OPA1: variants seen among roughly 807,000 people sequenced by gnomAD.
OPA1 encodes the protein dynamin-like GTPase OPA1, mitochondrial.
OPA1 carries 59 observed loss-of-function variants against 152.9 expected under a neutral mutation model. The ratio of observed to expected loss-of-function variants is 0.39; its 90% confidence interval spans 0.31 to 0.48. The LOEUF (loss-of-function observed/expected upper bound fraction) is 0.48, where lower values mean the gene tolerates loss of function less well. Ranked by LOEUF, OPA1 falls within the 20% of genes least tolerant of loss-of-function variation. OPA1 has a pLI of 0.96. For synonymous variants in OPA1, 400 were observed against 389.9 expected (o/e 1.03, Z -0.31); for missense variants, 1,008 against 1,216.8 (o/e 0.83, Z 2.55).
chr3:193,684,334 C>T (rs1342571846), intron 29 of OPA1, among the ~76,000 whole-genome samples: 1 of 151,988 alleles, frequency 6.6e-6, no homozygotes, highest in East Asian at 1.9e-4. Flanking sequence ...TCCATACAGT[C>T]TCCCATAAAT....
chr3:193,619,568 CTTTG>C (rs776805222), intron 6 of OPA1: 12 of 152,258 alleles, frequency 7.9e-5, no homozygotes, highest in South Asian at 4.2e-4. Flanking sequence ...GAATAACATA[CTTTG>C]TTTGTATTTA....
rs1726448000 is a variant in OPA1, at chr3:193,601,457, C to A, written c.32+8048C>A. On this transcript the variant is annotated intron_variant, in intron 1 of 30. Transcript: ENST00000361510. ...GATTCTCCACAGACCCAATAGAGAC[C>A]CTCAGGGGTTGGAAAAGGGGGCCAC... is the stretch of plus-strand genomic sequence containing the variant. Among the ~76,000 whole-genome samples the A allele has an allele frequency of 6.6e-5, 10 of 152,150 alleles. 1 individual carries two copies. Among genetic ancestry groups the A allele is most frequent in the Admixed American group, 6.5e-4 (10 of 15,272 alleles).
chr3:193,593,761 C>T (rs1725035650), intron 1 of OPA1, among the ~76,000 whole-genome samples: 2 of 152,042 alleles, frequency 1.3e-5, no homozygotes, highest in Admixed American at 6.6e-5. Flanking sequence ...TGTCCTCTCC[C>T]TGCCAGGTTT....
chr3:193,639,955 C>T (rs1733511804), intron 11 of OPA1, among the ~76,000 whole-genome samples: 1 of 152,034 alleles, frequency 6.6e-6, no homozygotes, highest in African/African-American at 2.4e-5. Flanking sequence ...GAGTGTCAAT[C>T]ATCAATGATG....
chr3:193,617,063 G>A, intron 3 of OPA1, 115 bp from the exon 4 acceptor site: 1 of 675,222 alleles, frequency 1.5e-6, no homozygotes, highest in Non-Finnish European at 2.6e-6. Context: ...GATAATAGTA[G>A]CTGTTTTGTA....
At chr3:193,604,860 CAAA>C (rs55904490) in intron 1 of OPA1, among the ~76,000 whole-genome samples, 23 of 104,582 alleles carry the variant, frequency 2.2e-4, no homozygotes, top group Non-Finnish European at 2.6e-4. Flanking sequence ...AACTCCATCT[CAAA>C]AAAAAAAAAA....
In OPA1 at chr3:193,696,769, GACAAAGC is replaced by G. The variant is rs1402229475; in HGVS notation, c.*2170_*2176del. The G allele has an allele frequency of 1.3e-5, 2 of 152,170 alleles. No individual in the cohort carries two copies. Among genetic ancestry groups the G allele is most frequent in the African/African-American group, 4.8e-5 (2 of 41,444 alleles). 9.4% of individuals were successfully genotyped at this position (152,170 alleles called of 1,614,324 possible). A position where few individuals can be genotyped will look rare whatever the true frequency, so the allele number is the denominator to read the frequency against. ...GTCAGAATTTGCAAAGAGTGGAGTG[GACAAAGC>G]TCTGTATGGAAGACTGAACAACTGT... On this transcript the variant is annotated 3_prime_UTR_variant, in exon 31 of 31. Transcript: ENST00000361510.
At position 193,650,980 on chromosome 3, in the gene OPA1, A is replaced by G. The variant is rs117158425; in HGVS notation, c.2012+2109A>G. 1.1e-3 allele frequency among the ~76,000 whole-genome samples: 167 copies of G among 152,306 alleles called. 1 individual carries two copies. The East Asian group carries it at 0.014, about 13-fold the overall frequency. ...AATATCATAATTTGAAATTTAAAAC[A>G]TGAATAAGTGTTAAGGCAGAGGCAG... On this transcript the variant is annotated intron_variant, in intron 21 of 30. Transcript: ENST00000361510.
At chr3:193,641,097 C>T (rs1271946773) in intron 11 of OPA1, among the ~76,000 whole-genome samples, 1 of 152,172 alleles carries the variant, frequency 6.6e-6, no homozygotes, top group Non-Finnish European at 1.5e-5. Context: ...ACCTCATATC[C>T]TGTTCAATAA....
chr3:193,608,661 A>G (rs960834283), intron 1 of OPA1, among the ~76,000 whole-genome samples: 5 of 152,092 alleles, frequency 3.3e-5, no homozygotes, highest in African/African-American at 1.2e-4. Flanking sequence ...GTGTGGTGCT[A>G]AGAAGAACGT....
At chr3:193,597,630 G>A (rs113214585) in intron 1 of OPA1, among the ~76,000 whole-genome samples, 3,600 of 149,806 alleles carry the variant, frequency 0.024, 156 homozygotes, top group African/African-American at 0.085. Context: ...GGCGGAGGTT[G>A]CAGTGAGCAG....
intron 29 of OPA1, among the ~76,000 whole-genome samples, chr3:193,674,392 T>C (rs1230702447): frequency 6.6e-6 from 1 of 152,222 alleles, no homozygotes; most frequent in Non-Finnish European, 1.5e-5. Flanking sequence ...CTTCATAATA[T>C]CATTTAGTGA....
At position 193,636,768 on chromosome 3, in the gene OPA1, G is replaced by A. The variant is rs1042270577; in HGVS notation, c.949-427G>A. 3.3e-5 allele frequency among the ~76,000 whole-genome samples: 5 copies of A among 152,076 alleles called. No homozygotes were observed. The South Asian group carries it at 6.2e-4, about 19-fold the overall frequency. The stretch of plus-strand genomic sequence containing the variant: ...CCTTTATTCAGATGCTTGCTTGCAC[G>A]TGCTCTCTGTCCTCTCTCTTTCTCT... On this transcript the variant is annotated intron_variant, in intron 9 of 30. Coordinates refer to ENST00000361510, the MANE Select transcript of OPA1 (RefSeq NM_130837.3).
chr3:193,648,341 A>G (rs1711556612), intron 20 of OPA1: 1 of 485,808 alleles, frequency 2.1e-6, no homozygotes, highest in Non-Finnish European at 3.6e-6. Flanking sequence ...GGATTATAAG[A>G]TGTCAAAACA....
chr3:193,612,576 C>T (rs1016494897), intron 1 of OPA1, among the ~76,000 whole-genome samples: 2 of 152,116 alleles, frequency 1.3e-5, no homozygotes, highest in African/African-American at 4.8e-5. Flanking sequence ...TTCTAATATG[C>T]CTTGCAAACA....
rs761486317 is a variant in OPA1 at position 193,648,154 on chromosome 3, G to A, written c.1935+20G>A. 8 of 1,538,796 alleles carry A rather than the reference G, an allele frequency of 5.2e-6. No homozygotes were observed. The East Asian group carries it at 1.8e-4, about 35-fold the overall frequency. On this transcript the variant is annotated intron_variant, in intron 20 of 30. Transcript: ENST00000361510. ...GACCGGGTAATATTTGGATACTCGT[G>A]TATTTTGTATATATCTTAATTTAAT...
intron 9 of OPA1, among the ~76,000 whole-genome samples, chr3:193,636,072 CAT>C (rs1294462300): frequency 6.6e-6 from 1 of 152,186 alleles, no homozygotes; most frequent in Non-Finnish European, 1.5e-5. Flanking sequence ...AACTAAACCA[CAT>C]GTGCTAAATT....
chr3:193,615,792 A>G (rs1255317961), intron 3 of OPA1, 22 bp downstream of exon 3: 1 of 1,402,230 alleles, frequency 7.1e-7, no homozygotes, highest in Non-Finnish European at 1.0e-6. Flanking sequence ...GAACATTAAA[A>G]TACTTTTTTT....
intron 6 of OPA1, among the ~76,000 whole-genome samples, chr3:193,620,082 A>T (rs552596054): frequency 6.6e-5 from 10 of 152,362 alleles, no homozygotes; most frequent in Non-Finnish European, 1.0e-4. Flanking sequence ...GGAAAAAAAA[A>T]TAAGTAGAAA....
Sources: gnomAD v4.1 joint callset for allele counts (sites outside exome capture counted in the v4.1 genomes callset) on GRCh38, gnomAD v4.1.1 for gene constraint, MANE v1.5 for transcripts, NCBI Gene and HGNC (gene_info 2026-07-23, HGNC 2026-07-21) for gene names.